PTPRT: variants seen among roughly 807,000 people sequenced by gnomAD.
The protein encoded by PTPRT is receptor-type tyrosine-protein phosphatase T.
A neutral mutation model predicts 176.8 loss-of-function variants in PTPRT; 56 were observed. The ratio of observed to expected loss-of-function variants is 0.32; its 90% CI spans 0.26 to 0.40. The LOEUF (loss-of-function observed/expected upper bound fraction) is 0.40, where lower values mean the gene tolerates loss of function less well. Among genes scored for constraint, PTPRT ranks in the 10% least tolerant of loss-of-function variants. The pLI is 1.00. For synonymous variants in PTPRT, 783 were observed against 739.0 expected, an observed-to-expected ratio of 1.06 and a Z score of -0.96; for missense variants, 1,540 against 1,908.2, an observed-to-expected ratio of 0.81 and a Z score of 3.60.
intron 6 of PTPRT, among the ~76,000 whole-genome samples, chr20:42,701,131 C>T (rs894106148): frequency 3.3e-5 from 5 of 152,136 alleles, no homozygotes; most frequent in Admixed American, 6.5e-5. Context: ...TTTAAACCAC[C>T]GCAGAGTCAT....
chr20:42,284,960 T>C (rs1004930060), intron 12 of PTPRT, among the ~76,000 whole-genome samples: 1 of 115,120 alleles, frequency 8.7e-6, no homozygotes, highest in African/African-American at 3.3e-5. Flanking sequence ...ACCCAAAAGA[T>C]GAAAAAAAAA....
chr20:43,030,355 C>T (rs373525612), intron 1 of PTPRT, among the ~76,000 whole-genome samples: 4 of 152,076 alleles, frequency 2.6e-5, no homozygotes, highest in South Asian at 2.1e-4. Flanking sequence ...TAGAAATACC[C>T]GTCATATATG....
intron 3 of PTPRT, among the ~76,000 whole-genome samples, chr20:42,790,362 G>A (rs1048419162): frequency 1.3e-5 from 2 of 152,106 alleles, no homozygotes; most frequent in Admixed American, 6.5e-5. Context: ...GAAGGAAAGA[G>A]AGAGAGGTTT....
chr20:42,673,885 G>A (rs558664459), intron 7 of PTPRT, among the ~76,000 whole-genome samples: 14 of 152,118 alleles, frequency 9.2e-5, no homozygotes, highest in African/African-American at 2.9e-4. Flanking sequence ...CCATGCTGAC[G>A]CTGTTTTTCC....
At chr20:42,347,713 C>T (rs942621263) in intron 11 of PTPRT, among the ~76,000 whole-genome samples, 4 of 152,174 alleles carry the variant, frequency 2.6e-5, no homozygotes, top group African/African-American at 9.7e-5. Context: ...AATCAGATCA[C>T]TCCATTACCT....
intron 1 of PTPRT, among the ~76,000 whole-genome samples, chr20:43,176,750 G>A (rs1273186961): frequency 6.6e-6 from 1 of 152,116 alleles, no homozygotes; most frequent in Admixed American, 6.5e-5. Flanking sequence ...GCTGACTTTG[G>A]TTCATGTACC....
chr20:43,134,175 C>T (rs2146386156), intron 1 of PTPRT, among the ~76,000 whole-genome samples: 1 of 152,180 alleles, frequency 6.6e-6, no homozygotes, highest in Non-Finnish European at 1.5e-5. Flanking sequence ...ATAAACACAA[C>T]AAAGAAAAGG....
chr20:42,695,888 A>G (rs769441030), intron 6 of PTPRT, among the ~76,000 whole-genome samples: 10 of 152,196 alleles, frequency 6.6e-5, no homozygotes, highest in Non-Finnish European at 8.8e-5. Flanking sequence ...GGTGATATTT[A>G]AAGACCAATT....
chr20:42,902,231 A>C (rs1000624859), intron 1 of PTPRT, among the ~76,000 whole-genome samples: 1 of 152,202 alleles, frequency 6.6e-6, no homozygotes, highest in Non-Finnish European at 1.5e-5. Context: ...AAACAAAAAA[A>C]GGAAAAGAAC....
In PTPRT at chr20:42,078,297, T is replaced by C. The variant is rs1411160030; in HGVS notation, c.*2582A>G. On this transcript the variant is annotated 3_prime_UTR_variant, in exon 31 of 31. Transcript: ENST00000373187. ...GACTTCTGGACAGCTCCAGAGCCCA[T>C]GCCAATGGAAGCAACTTTTGTCGGC... The C allele has an allele frequency of 4.8e-6, 1 of 209,312 alleles. No individual in the cohort carries two copies. Among genetic ancestry groups the C allele is most frequent in the Non-Finnish European group, 9.8e-6 (1 of 102,546 alleles). 13.0% of individuals were successfully genotyped at this position (209,312 alleles called of 1,614,324 possible).
intron 5 of PTPRT, among the ~76,000 whole-genome samples, chr20:42,765,067 A>C (rs532788695): frequency 6.6e-6 from 1 of 152,190 alleles, no homozygotes; most frequent in Non-Finnish European, 1.5e-5. Flanking sequence ...ACCTTTTCCT[A>C]TGAGATTCAG....
intron 9 of PTPRT, among the ~76,000 whole-genome samples, chr20:42,416,050 G>A (rs1423250220): frequency 1.3e-5 from 2 of 152,136 alleles, no homozygotes; most frequent in Admixed American, 1.3e-4. Flanking sequence ...TCAGAACCTG[G>A]AATTGTGATC....
In PTPRT at chr20:42,076,692, T is replaced by G; in HGVS notation, c.*4187A>C. 5.1e-6 allele frequency: 1 copy of G among 197,114 alleles called. No individual in the cohort carries two copies. The highest frequency in any genetic ancestry group is 1.0e-5 in the Non-Finnish European group (1 of 97,256). The allele number at this position is 197,114 out of a possible 1,614,324, so 12.2% of individuals were successfully genotyped here. On this transcript the variant is annotated 3_prime_UTR_variant, in exon 31 of 31. Transcript: ENST00000373187. ...AGACCAGCTGACCTAGGGTCCGTCA[T>G]AGCGGGGTGAACAGAACAGAACAAC...
At chr20:42,321,441 C>T (rs754403385) in intron 11 of PTPRT, among the ~76,000 whole-genome samples, 4 of 152,144 alleles carry the variant, frequency 2.6e-5, no homozygotes, top group Non-Finnish European at 5.9e-5. Flanking sequence ...TATACGCTTG[C>T]CCTTATGTTT....
At chr20:42,726,689 G>T (rs1185185736) in intron 6 of PTPRT, among the ~76,000 whole-genome samples, 4 of 152,186 alleles carry the variant, frequency 2.6e-5, no homozygotes, top group African/African-American at 9.7e-5. Context: ...ACACGAGCTG[G>T]TGTGTCAAGA....
chr20:42,446,580 A>ATGTG (rs372328206), intron 9 of PTPRT, among the ~76,000 whole-genome samples: 2,728 of 139,486 alleles, frequency 0.02, 65 homozygotes, highest in African/African-American at 0.05. Context: ...TTTCATGTAA[A>ATGTG]TGTGTGTGTG....
intron 1 of PTPRT, among the ~76,000 whole-genome samples, chr20:42,944,165 T>C (rs1306170780): frequency 6.6e-6 from 1 of 152,172 alleles, no homozygotes; most frequent in South Asian, 2.1e-4. Context: ...CACTGAGTCA[T>C]GAAGACTTCT....
chr20:42,862,447 G>A (rs1386016021), intron 2 of PTPRT, among the ~76,000 whole-genome samples: 1 of 152,174 alleles, frequency 6.6e-6, no homozygotes, highest in African/African-American at 2.4e-5. Context: ...CCAGGAAATT[G>A]GGTCTATTGT....
intron 8 of PTPRT, among the ~76,000 whole-genome samples, chr20:42,464,358 T>A (rs1006488890): frequency 6.6e-6 from 1 of 152,166 alleles, no homozygotes; most frequent in African/African-American, 2.4e-5. Context: ...AATAAAGTAA[T>A]CAATATACAG....
Sources: gnomAD v4.1 joint callset for allele counts (sites outside exome capture counted in the v4.1 genomes callset) on GRCh38, gnomAD v4.1.1 for gene constraint, MANE v1.5 for transcripts, NCBI Gene and HGNC (gene_info 2026-07-23, HGNC 2026-07-21) for gene names.